GALNT17: variants seen among roughly 807,000 people sequenced by gnomAD.
The protein encoded by GALNT17 is polypeptide N-acetylgalactosaminyltransferase 17, also known as UDP-GalNAc:polypeptide N-acetylgalactosaminyltransferase-like 3.
A neutral mutation model predicts 63.7 loss-of-function variants in GALNT17; 29 were observed. That is an observed-to-expected ratio of 0.46 (90% CI 0.34 to 0.62). The LOEUF is 0.62. GALNT17 is among the 20% of genes least tolerant of loss of function. The pLI is 0.01. For synonymous variants in GALNT17, 305 were observed against 318.3 expected, an observed-to-expected ratio of 0.96 and a Z score of 0.45; for missense variants, 603 against 799.6, an observed-to-expected ratio of 0.75 and a Z score of 2.97.
chr7:71,145,168 C>T (rs117653898), intron 1 of GALNT17, among the ~76,000 whole-genome samples: 2,149 of 152,286 alleles, frequency 0.014, 24 homozygotes, highest in Non-Finnish European at 0.025. Flanking sequence ...GTTCTTCAGG[C>T]CAGCCGATGT....
intron 1 of GALNT17, among the ~76,000 whole-genome samples, chr7:71,191,869 A>G (rs553907058): frequency 3.0e-4 from 45 of 152,330 alleles, no homozygotes; most frequent in South Asian, 1.2e-3. Context: ...GGATAGATGT[A>G]TATATGAAAG....
chr7:71,174,707 C>A (rs1483149714), intron 1 of GALNT17, among the ~76,000 whole-genome samples: 1 of 152,176 alleles, frequency 6.6e-6, no homozygotes, highest in South Asian at 2.1e-4. Flanking sequence ...GGGGAGATTA[C>A]AAAGTGCATT....
chr7:71,237,514 A>G (rs960966156), intron 1 of GALNT17, among the ~76,000 whole-genome samples: 5 of 146,662 alleles, frequency 3.4e-5, no homozygotes, highest in Non-Finnish European at 7.4e-5. Flanking sequence ...CATCTCTGAA[A>G]AAAAAAAAAA....
chr7:71,572,732 G>A (rs1241158255), intron 6 of GALNT17, among the ~76,000 whole-genome samples: 1 of 152,070 alleles, frequency 6.6e-6, no homozygotes, highest in Non-Finnish European at 1.5e-5. Flanking sequence ...TGGCCACCAT[G>A]CTGTACATTA....
intron 5 of GALNT17, among the ~76,000 whole-genome samples, chr7:71,508,479 A>G (rs1788301613): frequency 6.6e-6 from 1 of 152,124 alleles, no homozygotes; most frequent in Admixed American, 6.6e-5. Flanking sequence ...AAACAGTGAG[A>G]GCATTTGCCT....
At chr7:71,145,834 T>G (rs943541462) in intron 1 of GALNT17, among the ~76,000 whole-genome samples, 1 of 152,078 alleles carries the variant, frequency 6.6e-6, no homozygotes, top group African/African-American at 2.4e-5. Flanking sequence ...GCCTGCTGAG[T>G]AGCTGGGATT....
chr7:71,357,819 C>T (rs1792316099), intron 2 of GALNT17, among the ~76,000 whole-genome samples: 1 of 152,102 alleles, frequency 6.6e-6, no homozygotes, highest in Non-Finnish European at 1.5e-5. Context: ...AATCAGCGCC[C>T]TGTAGCTAGC....
At chr7:71,470,070 A>G (rs73365683) in intron 5 of GALNT17, among the ~76,000 whole-genome samples, 7,695 of 152,214 alleles carry the variant, frequency 0.051, 674 homozygotes, top group African/African-American at 0.18. Context: ...GTAGCCGTGC[A>G]TGGTGGCAGA....
intron 5 of GALNT17, among the ~76,000 whole-genome samples, chr7:71,537,425 C>T (rs960898895): frequency 3.3e-5 from 5 of 151,976 alleles, no homozygotes; most frequent in Admixed American, 6.6e-5. Flanking sequence ...GGGTGGCGGA[C>T]GGTTAGGGGG....
chr7:71,547,233 T>C (rs1474522098), intron 5 of GALNT17, among the ~76,000 whole-genome samples: 1 of 151,896 alleles, frequency 6.6e-6, no homozygotes, highest in Non-Finnish European at 1.5e-5. Flanking sequence ...GGCGCGATCT[T>C]GGCTCACTGC....
intron 5 of GALNT17, among the ~76,000 whole-genome samples, chr7:71,562,561 T>C (rs554433303): frequency 2.0e-5 from 3 of 152,150 alleles, no homozygotes; most frequent in Non-Finnish European, 2.9e-5. Context: ...ATCCCTTGAA[T>C]GCACAGTTCA....
intron 9 of GALNT17, among the ~76,000 whole-genome samples, chr7:71,684,765 C>A (rs1791327375): frequency 6.6e-6 from 1 of 152,076 alleles, no homozygotes; most frequent in Non-Finnish European, 1.5e-5. Context: ...TGGGTTCAAG[C>A]AACCCTCCTG....
intron 2 of GALNT17, among the ~76,000 whole-genome samples, chr7:71,371,089 AACTGTTGCTGACTGTGGC>A (rs1342772229): frequency 2.5e-4 from 38 of 152,308 alleles, no homozygotes; most frequent in South Asian, 1.5e-3. Flanking sequence ...TTTGATTCAG[AACTGTTGCTGACTGTGGC>A]ATCAGTGGGC....
At chr7:71,383,887 T>C (rs561082235) in intron 2 of GALNT17, among the ~76,000 whole-genome samples, 2 of 152,196 alleles carry the variant, frequency 1.3e-5, no homozygotes, top group Non-Finnish European at 2.9e-5. Context: ...GCTTCCAACA[T>C]TTAGCTGCGA....
chr7:71,535,016 A>G (rs904767045), intron 5 of GALNT17, among the ~76,000 whole-genome samples: 4 of 152,162 alleles, frequency 2.6e-5, no homozygotes, highest in African/African-American at 9.7e-5. Flanking sequence ...GGAGAATAGT[A>G]CATACAACCC....
At position 71,148,860 on chromosome 7, in the gene GALNT17, T is replaced by TTATATATATATATATATA. The variant is rs59163644; in HGVS notation, c.238+15836_238+15853dup. ...GAAATACAGTAGTATTATGGTATTT[T>TTATATATATATATATATA]TATATATATATATATATATATATAT... On this transcript the variant is annotated intron_variant, in intron 1 of 10. Coordinates refer to ENST00000333538, the MANE Select transcript of GALNT17 (RefSeq NM_022479.3). Among the ~76,000 whole-genome samples, 127 of 103,146 alleles carry TTATATATATATATATATA rather than the reference T, an allele frequency of 1.2e-3. 2 individuals carry two copies. The highest frequency in any genetic ancestry group is 1.8e-3 in the African/African-American group (45 of 25,446). 67.7% of individuals were successfully genotyped at this position (103,146 alleles called of 152,430 possible).
At chr7:71,148,320 A>G (rs1788062690) in intron 1 of GALNT17, among the ~76,000 whole-genome samples, 1 of 152,146 alleles carries the variant, frequency 6.6e-6, no homozygotes. Context: ...CAGCCATTGC[A>G]TCTTTGTACC....
intron 1 of GALNT17, among the ~76,000 whole-genome samples, chr7:71,328,417 A>G (rs1369645861): frequency 1.3e-5 from 2 of 152,098 alleles, no homozygotes; most frequent in Admixed American, 6.6e-5. Flanking sequence ...TACTCTGCCT[A>G]CAAGTTCAGT....
intron 5 of GALNT17, among the ~76,000 whole-genome samples, chr7:71,527,103 G>T (rs1416806639): frequency 6.6e-6 from 1 of 152,026 alleles, no homozygotes; most frequent in Non-Finnish European, 1.5e-5. Context: ...CATCTAGAAG[G>T]CATTCAGGCT....
Sources: gnomAD v4.1 joint callset for allele counts (sites outside exome capture counted in the v4.1 genomes callset) on GRCh38, gnomAD v4.1.1 for gene constraint, MANE v1.5 for transcripts, NCBI Gene and HGNC (gene_info 2026-07-23, HGNC 2026-07-21) for gene names.